Variants in SLC35F1 observed in about 807,000 individuals in gnomAD.
SLC35F1 encodes the protein solute carrier family 35 member F1.
A neutral mutation model predicts 48.7 loss-of-function variants in SLC35F1; 14 were observed. The observed-to-expected ratio is 0.29, with a 90% CI of 0.19 to 0.45. The LOEUF is 0.45. Ranked by LOEUF, SLC35F1 falls within the 20% of genes least tolerant of loss-of-function variation. The pLI, the probability that SLC35F1 is intolerant of heterozygous loss-of-function variation, is 1.00. For synonymous variants in SLC35F1, 190 were observed against 202.2 expected, an observed-to-expected ratio of 0.94 and a Z score of 0.51; for missense variants, 404 against 500.0, an observed-to-expected ratio of 0.81 and a Z score of 1.83.
At chr6:118,190,240 G>A (rs1255844041) in intron 2 of SLC35F1, among the ~76,000 whole-genome samples, 1 of 152,128 alleles carries the variant, frequency 6.6e-6, no homozygotes, top group East Asian at 1.9e-4. Flanking sequence ...AGGAACAAGG[G>A]TTCCTCCTTA....
rs1409765982 is a variant in SLC35F1 at position 118,317,067 on chromosome 6, C to G, written c.*2815C>G. ...CCTCAGTAGACACCAGCAAAATTTT[C>G]AGTTTCTAACTCCACCACCAATCTC... is the stretch of plus-strand genomic sequence containing the variant. On this transcript the variant is annotated 3_prime_UTR_variant, in exon 8 of 8. Transcript: ENST00000360388. The G allele has an allele frequency of 6.6e-6, 1 of 152,590 alleles. No individual in the cohort carries two copies. The highest frequency in any genetic ancestry group is 1.5e-5 in the Non-Finnish European group (1 of 68,038). 9.5% of individuals were successfully genotyped at this position (152,590 alleles called of 1,614,324 possible). A position where few individuals can be genotyped will look rare whatever the true frequency, so the allele number is the denominator to read the frequency against.
chr6:118,191,958 T>C (rs1373170834), intron 2 of SLC35F1, among the ~76,000 whole-genome samples: 1 of 152,174 alleles, frequency 6.6e-6, no homozygotes, highest in Non-Finnish European at 1.5e-5. Flanking sequence ...ACCACACCAA[T>C]ATATTTAATT....
intron 3 of SLC35F1, among the ~76,000 whole-genome samples, chr6:118,252,523 G>C (rs1428819496): frequency 1.3e-5 from 2 of 152,142 alleles, no homozygotes; most frequent in Non-Finnish European, 2.9e-5. Context: ...TTCTGCTTTG[G>C]TCATGTAGAT....
At chr6:118,140,791 GGCTAATGTGTGT>G in intron 1 of SLC35F1, among the ~76,000 whole-genome samples, 1 of 151,978 alleles carries the variant, frequency 6.6e-6, no homozygotes, top group South Asian at 2.1e-4. Context: ...TGTAGGCCTA[GGCTAATGTGTGT>G]GCTGCATTTT....
chr6:118,125,169 A>G (rs1446985510), intron 1 of SLC35F1, among the ~76,000 whole-genome samples: 1 of 152,194 alleles, frequency 6.6e-6, no homozygotes, highest in Admixed American at 6.6e-5. Flanking sequence ...AGAATACAAG[A>G]AGAAAATGAT....
At chr6:118,282,403 C>A (rs1775995345) in intron 6 of SLC35F1, among the ~76,000 whole-genome samples, 1 of 147,792 alleles carries the variant, frequency 6.8e-6, no homozygotes, top group Non-Finnish European at 1.5e-5. Context: ...ACTCCTGTCC[C>A]CCTACCTCTA....
intron 2 of SLC35F1, among the ~76,000 whole-genome samples, chr6:118,176,542 T>A (rs1425617129): frequency 6.6e-6 from 1 of 152,084 alleles, no homozygotes; most frequent in Admixed American, 6.6e-5. Context: ...TCATAAAGTG[T>A]TGGTTATAGA....
intron 1 of SLC35F1, among the ~76,000 whole-genome samples, chr6:117,957,211 G>A (rs764781988): frequency 1.1e-4 from 16 of 152,234 alleles, no homozygotes; most frequent in Admixed American, 4.6e-4. Flanking sequence ...AATCACCCAC[G>A]TGAATATTTT....
At chr6:118,272,887 T>C (rs1272682864) in intron 4 of SLC35F1, among the ~76,000 whole-genome samples, 1 of 150,576 alleles carries the variant, frequency 6.6e-6, no homozygotes, top group East Asian at 1.9e-4. Flanking sequence ...ATATTAGTCT[T>C]AGTACCTACA....
intron 1 of SLC35F1, among the ~76,000 whole-genome samples, chr6:117,926,054 G>T (rs17079574): frequency 0.45 from 68,756 of 151,974 alleles, 18,557 homozygotes; most frequent in South Asian, 0.73. Context: ...AAAAGGAGTT[G>T]GGGAAGGCAT....
chr6:117,946,215 A>G (rs941983310), intron 1 of SLC35F1, among the ~76,000 whole-genome samples: 1 of 152,196 alleles, frequency 6.6e-6, no homozygotes, highest in African/African-American at 2.4e-5. Context: ...GAGTAGGAGA[A>G]GAGTAGTCTA....
At chr6:118,255,128 T>C (rs751417503) in intron 3 of SLC35F1, among the ~76,000 whole-genome samples, 56 of 152,170 alleles carry the variant, frequency 3.7e-4, no homozygotes, top group Non-Finnish European at 6.5e-4. Context: ...GGATCCTGTA[T>C]AGTTTCTGCT....
At chr6:118,026,552 T>C (rs1329217934) in intron 1 of SLC35F1, among the ~76,000 whole-genome samples, 8 of 152,200 alleles carry the variant, frequency 5.3e-5, no homozygotes, top group African/African-American at 1.7e-4. Flanking sequence ...ATACTCTCTT[T>C]GGGAATCCCA....
rs1004142939 is a variant in SLC35F1 at position 117,986,610 on chromosome 6, G to A, written c.173+78711G>A. Among the ~76,000 whole-genome samples the A allele has an allele frequency of 4.6e-5, 7 of 152,170 alleles. 1 individual carries two copies. The highest frequency in any genetic ancestry group is 4.6e-4 in the Admixed American group (7 of 15,276). On this transcript the variant is annotated intron_variant, in intron 1 of 7. Coordinates refer to ENST00000360388, the MANE Select transcript of SLC35F1 (RefSeq NM_001029858.4). ...GGATCACCTCTTCCCCTGGGCATCTGAGGGCCCTTTGCCTCTGCCTGGCTG... is the reference window on the plus strand; with the variant it reads ...GGATCACCTCTTCCCCTGGGCATCTAAGGGCCCTTTGCCTCTGCCTGGCTG...
chr6:118,254,239 C>A (rs1158019661), intron 3 of SLC35F1, among the ~76,000 whole-genome samples: 1 of 152,090 alleles, frequency 6.6e-6, no homozygotes, highest in Non-Finnish European at 1.5e-5. Flanking sequence ...AGTAGGCATT[C>A]AATAAATGTC....
intron 3 of SLC35F1, among the ~76,000 whole-genome samples, chr6:118,239,498 T>C (rs1296295407): frequency 6.6e-6 from 1 of 152,058 alleles, no homozygotes; most frequent in Non-Finnish European, 1.5e-5. Context: ...AGTTGGCTTT[T>C]TTTTTTCTGT....
intron 1 of SLC35F1, among the ~76,000 whole-genome samples, chr6:117,952,997 A>G (rs1238921035): frequency 6.6e-5 from 10 of 152,206 alleles, no homozygotes; most frequent in African/African-American, 1.9e-4. Flanking sequence ...AGCAGAGAGA[A>G]GCGAGAGAAG....
At chr6:118,154,125 A>G (rs1315626818) in intron 1 of SLC35F1, among the ~76,000 whole-genome samples, 1 of 152,044 alleles carries the variant, frequency 6.6e-6, no homozygotes, top group African/African-American at 2.4e-5. Context: ...CCCCCTTCCC[A>G]CTACCATTGG....
intron 3 of SLC35F1, among the ~76,000 whole-genome samples, chr6:118,255,771 G>C (rs1775635248): frequency 1.3e-5 from 2 of 152,100 alleles, no homozygotes; most frequent in South Asian, 4.2e-4. Flanking sequence ...AAAAAAATAG[G>C]GTATTTCCTG....
Sources: gnomAD v4.1 joint callset for allele counts (sites outside exome capture counted in the v4.1 genomes callset) on GRCh38, gnomAD v4.1.1 for gene constraint, MANE v1.5 for transcripts, NCBI Gene and HGNC (gene_info 2026-07-23, HGNC 2026-07-21) for gene names.